PIK3C2G: variants seen among roughly 807,000 people sequenced by gnomAD.
PIK3C2G encodes phosphatidylinositol 3-kinase C2 domain-containing subunit gamma.
A neutral mutation model predicts 181.1 loss-of-function variants in PIK3C2G; 168 were observed. The ratio of observed to expected loss-of-function variants is 0.93; its 90% CI spans 0.82 to 1.05. The LOEUF (loss-of-function observed/expected upper bound fraction) is 1.05. PIK3C2G is among the 50% of genes least tolerant of loss of function. The pLI is 0.00. For missense variants in PIK3C2G, 1,869 were observed against 1,732.8 expected, an observed-to-expected ratio of 1.08 and a Z score of -1.40; for synonymous variants, 573 against 592.2, an observed-to-expected ratio of 0.97 and a Z score of 0.47.
chr12:18,367,735 T>C (rs1322363631), intron 12 of PIK3C2G, among the ~76,000 whole-genome samples: 2 of 151,844 alleles, frequency 1.3e-5, no homozygotes, highest in Non-Finnish European at 2.9e-5. Flanking sequence ...ATTATGTATT[T>C]TTAGTACAGA....
At chr12:18,398,329 A>AT (rs557001974) in intron 15 of PIK3C2G, among the ~76,000 whole-genome samples, 1 of 152,056 alleles carries the variant, frequency 6.6e-6, no homozygotes, top group Admixed American at 6.5e-5. Flanking sequence ...TTTACTATGG[A>AT]TTTTTTTTCT....
the PIK3C2G span, among the ~76,000 whole-genome samples, chr12:18,663,617 C>A: frequency 6.6e-6 from 1 of 151,546 alleles, no homozygotes; most frequent in South Asian, 2.1e-4. Context: ...AGTACCTAAA[C>A]ATAACAGCAA....
intron 13 of PIK3C2G, among the ~76,000 whole-genome samples, chr12:18,379,058 T>C (rs906732032): frequency 1.3e-5 from 2 of 152,222 alleles, no homozygotes; most frequent in African/African-American, 4.8e-5. Flanking sequence ...TAAAGACACA[T>C]GCACATGTAT....
chr12:18,273,004 C>CA (rs1565539933), intron 1 of PIK3C2G, among the ~76,000 whole-genome samples: 22 of 144,654 alleles, frequency 1.5e-4, no homozygotes, highest in South Asian at 2.2e-4. Flanking sequence ...ACACACACAC[C>CA]CCCATCCATA....
chr12:18,700,547 G>A, the PIK3C2G span, among the ~76,000 whole-genome samples: 1 of 131,316 alleles, frequency 7.6e-6, no homozygotes, highest in Non-Finnish European at 1.6e-5. Context: ...TAGTTGCTCT[G>A]CCAAGAGATA....
At chr12:18,655,508 A>G in the PIK3C2G span, among the ~76,000 whole-genome samples, 2,230 of 152,338 alleles carry the variant, frequency 0.015, 77 homozygotes, top group African/African-American at 0.051. Flanking sequence ...ATAGCTACCC[A>G]TTCCTTACAT....
chr12:18,677,084 G>C, the PIK3C2G span, among the ~76,000 whole-genome samples: 10 of 152,104 alleles, frequency 6.6e-5, no homozygotes, highest in Admixed American at 2.0e-4. Flanking sequence ...TACCAGGGAA[G>C]AAAGCTCTGT....
In PIK3C2G at chr12:18,408,606, T is replaced by C. The variant is rs185021920; in HGVS notation, c.2315+8759T>C. ...GCTTCTGCACAGCAAAAGAAACTAT[T>C]ATCAGAGTGAAAAAGCAACCTACAG... On this transcript the variant is annotated intron_variant, in intron 16 of 32. Transcript: ENST00000538779. Among the ~76,000 whole-genome samples, 1,412 of 152,192 alleles carry C rather than the reference T, an allele frequency of 9.3e-3. 14 individuals carry two copies. The highest frequency in any genetic ancestry group is 0.027 in the African/African-American group (1,114 of 41,552).
chr12:18,698,242 C>CTTCTATTCTA, the PIK3C2G span, among the ~76,000 whole-genome samples: 26,591 of 145,390 alleles, frequency 0.18, 2,605 homozygotes, highest in East Asian at 0.28. Flanking sequence ...ATACACTTTT[C>CTTCTATTCTA]TTCTATTCTA....
At chr12:18,483,187 T>A (rs1418508532) in intron 18 of PIK3C2G, among the ~76,000 whole-genome samples, 1 of 152,152 alleles carries the variant, frequency 6.6e-6, no homozygotes, top group Non-Finnish European at 1.5e-5. Context: ...AAGTTTTTAG[T>A]TCCTAAGAAC....
chr12:18,410,655 G>A (rs1031572580), intron 16 of PIK3C2G, among the ~76,000 whole-genome samples: 1 of 152,128 alleles, frequency 6.6e-6, no homozygotes, highest in East Asian at 1.9e-4. Context: ...ACAGAAGGAT[G>A]TGAATTAAGT....
At chr12:18,246,818 C>T (rs564294198), upstream of PIK3C2G, among the ~76,000 whole-genome samples, 10 of 152,174 alleles carry the variant, frequency 6.6e-5, no homozygotes, top group Non-Finnish European at 1.5e-4. Context: ...CTCTCCTCAC[C>T]AGTAGACTTA....
chr12:18,302,226 G>A (rs1950205251), intron 5 of PIK3C2G, among the ~76,000 whole-genome samples: 1 of 152,144 alleles, frequency 6.6e-6, no homozygotes, highest in Non-Finnish European at 1.5e-5. Flanking sequence ...GGCAGCAGAG[G>A]GCCGAGTGGA....
chr12:18,355,433 C>A (rs1002659489), intron 11 of PIK3C2G, among the ~76,000 whole-genome samples: 1 of 152,134 alleles, frequency 6.6e-6, no homozygotes, highest in African/African-American at 2.4e-5. Flanking sequence ...TTGCTTTCTA[C>A]GAATAGGTTA....
intron 26 of PIK3C2G, 46 bp from the exon 27 acceptor site, chr12:18,562,657 A>T (rs757198138): frequency 5.3e-6 from 6 of 1,129,700 alleles, no homozygotes; most frequent in Non-Finnish European, 7.8e-6. Flanking sequence ...AAATGAGTAG[A>T]TGCAGAGGAG....
rs10450681 is a variant in PIK3C2G at position 18,607,355 on chromosome 12, T to C, written c.4088-2180T>C. On this transcript the variant is annotated intron_variant, in intron 30 of 32. Transcript: ENST00000538779. ...TGGTACTGGTACCAAAACAGAGATA[T>C]AGATCAATGGAACAGAACAGAGCCC... 6.0e-3 allele frequency among the ~76,000 whole-genome samples: 917 copies of C among 152,194 alleles called. 8 individuals carry two copies. Among genetic ancestry groups the C allele is most frequent in the African/African-American group, 0.021 (871 of 41,504 alleles).
chr12:18,580,615 A>G (rs372675911), intron 29 of PIK3C2G, among the ~76,000 whole-genome samples: 15 of 152,194 alleles, frequency 9.9e-5, no homozygotes, highest in African/African-American at 3.6e-4. Flanking sequence ...TAAAATGTTG[A>G]TGACATTTTA....
At chr12:18,472,170 A>G (rs1938522841) in intron 18 of PIK3C2G, among the ~76,000 whole-genome samples, 1 of 152,220 alleles carries the variant, frequency 6.6e-6, no homozygotes, top group Non-Finnish European at 1.5e-5. Flanking sequence ...AAAACAGGAA[A>G]AGAAGAAACA....
chr12:18,490,658 C>T (rs1389582936), intron 19 of PIK3C2G, among the ~76,000 whole-genome samples: 1 of 152,144 alleles, frequency 6.6e-6, no homozygotes, highest in Non-Finnish European at 1.5e-5. Flanking sequence ...TGGCTTATTT[C>T]ACATAACATA....
Sources: allele counts gnomAD v4.1 joint callset (sites outside exome capture counted in the v4.1 genomes callset), GRCh38; gene constraint gnomAD v4.1.1; transcripts MANE v1.5; gene names NCBI Gene and HGNC (gene_info 2026-07-23, HGNC 2026-07-21).